NELL2: variants seen among roughly 807,000 people sequenced by gnomAD.
NELL2 encodes the protein neural EGFL like 2.
Under a neutral mutation model 109.6 loss-of-function variants are expected in NELL2, and 41 were observed. That is an observed-to-expected ratio of 0.37 (90% CI 0.29 to 0.49). NELL2 has a LOEUF of 0.49. Ranked by LOEUF, NELL2 falls within the 20% of genes least tolerant of loss-of-function variation. NELL2 has a pLI of 0.98. For synonymous variants in NELL2, 355 were observed against 344.7 expected (o/e 1.03, Z -0.33); for missense variants, 900 against 1,008.3 (o/e 0.89, Z 1.45).
At chr12:44,656,265 C>T (rs183021766) in intron 13 of NELL2, among the ~76,000 whole-genome samples, 163 of 152,228 alleles carry the variant, frequency 1.1e-3, no homozygotes, top group African/African-American at 3.9e-3. Flanking sequence ...CTAGGAAGTA[C>T]AACAAATCCT....
At chr12:44,513,226 C>T (rs1353397775) in intron 19 of NELL2, among the ~76,000 whole-genome samples, 1 of 151,794 alleles carries the variant, frequency 6.6e-6, no homozygotes, top group Non-Finnish European at 1.5e-5. Context: ...TTGAAACAGA[C>T]CCCCCCTAAC....
intron 9 of NELL2, among the ~76,000 whole-genome samples, chr12:44,723,609 C>T (rs1038457244): frequency 1.3e-5 from 2 of 151,584 alleles, no homozygotes; most frequent in African/African-American, 4.9e-5. Context: ...CAATGTGTTA[C>T]CTAGAATTTC....
intron 15 of NELL2, among the ~76,000 whole-genome samples, chr12:44,547,407 T>C (rs2136159125): frequency 6.6e-6 from 1 of 152,282 alleles, no homozygotes; most frequent in East Asian, 1.9e-4. Flanking sequence ...CATGGAAAAA[T>C]GCTTGCGATA....
chr12:44,510,943 G>A (rs1940974014), intron 19 of NELL2, among the ~76,000 whole-genome samples: 1 of 152,170 alleles, frequency 6.6e-6, no homozygotes, highest in South Asian at 2.1e-4. Flanking sequence ...CAAAGTGATG[G>A]GTGTACCAGT....
chr12:44,914,493 C>T (rs1303087792), upstream of NELL2, among the ~76,000 whole-genome samples: 1 of 152,192 alleles, frequency 6.6e-6, no homozygotes, highest in East Asian at 1.9e-4. Flanking sequence ...TTGCAAACCA[C>T]CCCACTCACA....
intron 13 of NELL2, among the ~76,000 whole-genome samples, chr12:44,653,719 T>C (rs932915651): frequency 2.0e-5 from 3 of 152,272 alleles, no homozygotes; most frequent in South Asian, 2.1e-4. Flanking sequence ...TAGGCCTGCA[T>C]TGATTATTGG....
intron 13 of NELL2, among the ~76,000 whole-genome samples, chr12:44,623,936 T>C (rs1946146197): frequency 6.6e-6 from 1 of 151,378 alleles, no homozygotes; most frequent in African/African-American, 2.4e-5. Flanking sequence ...AGTTGAACAA[T>C]GAGAACACAT....
intron 1 of NELL2, among the ~76,000 whole-genome samples, chr12:44,903,337 A>G (rs1427638856): frequency 6.6e-6 from 1 of 152,222 alleles, no homozygotes; most frequent in Non-Finnish European, 1.5e-5. Flanking sequence ...AATCACAATG[A>G]GATACCATCT....
chr12:44,652,166 G>C (rs1947322293), intron 13 of NELL2, among the ~76,000 whole-genome samples: 1 of 152,094 alleles, frequency 6.6e-6, no homozygotes, highest in Non-Finnish European at 1.5e-5. Flanking sequence ...CAACAATCCT[G>C]CATTCTGGAG....
At chr12:44,688,381 G>C (rs1948793771) in intron 12 of NELL2, among the ~76,000 whole-genome samples, 1 of 152,168 alleles carries the variant, frequency 6.6e-6, no homozygotes, top group Non-Finnish European at 1.5e-5. Context: ...TGAATTAACT[G>C]ATACACTGAC....
At chr12:44,731,431 T>C (rs1939364705) in intron 9 of NELL2, among the ~76,000 whole-genome samples, 1 of 152,062 alleles carries the variant, frequency 6.6e-6, no homozygotes, top group Non-Finnish European at 1.5e-5. Flanking sequence ...GGTGTGAGGA[T>C]AGCTCAGCAT....
Position 44,913,799 on chromosome 12 carries a change from AT to A in NELL2, c.37del (p.Ile13Ter). 1.2e-6 allele frequency: 1 copy of A among 827,402 alleles called. No individual in the cohort carries two copies. The highest frequency in any genetic ancestry group is 1.8e-6 in the Non-Finnish European group (1 of 543,132). The allele number at this position is 827,402 out of a possible 1,614,324, so 51.3% of individuals were successfully genotyped here. A position where few individuals can be genotyped will look rare whatever the true frequency, so the allele number is the denominator to read the frequency against. On this transcript the variant is annotated frameshift_variant and splice_region_variant, in exon 1 of 21. Coordinates refer to the NELL2 transcript ENST00000333837. LOFTEE classifies it high-confidence loss of function. Reference sequence around the variant, plus strand: ...ATTAAAATGATAAGAAAGAACTCACATTTTGAGGATTAAAATGAGAAGTCTT... The same window carrying A: ...ATTAAAATGATAAGAAAGAACTCACATTTGAGGATTAAAATGAGAAGTCTT...
intron 13 of NELL2, among the ~76,000 whole-genome samples, chr12:44,659,848 T>C (rs1388816330): frequency 6.6e-6 from 1 of 151,940 alleles, no homozygotes; most frequent in Non-Finnish European, 1.5e-5. Context: ...AAACCTCCTA[T>C]GATATGTGAC....
At chr12:44,728,223 T>C (rs748654640) in intron 9 of NELL2, among the ~76,000 whole-genome samples, 4 of 152,020 alleles carry the variant, frequency 2.6e-5, no homozygotes, top group Non-Finnish European at 5.9e-5. Flanking sequence ...ATGAACAAAG[T>C]TGGAATATCA....
At chr12:44,774,512 C>G (rs990435293) in intron 9 of NELL2, 1 of 441,198 alleles carries the variant, frequency 2.3e-6, no homozygotes, top group Non-Finnish European at 4.1e-6. Context: ...TTTCCTACTA[C>G]TATCACTATA....
chr12:44,595,593 A>ATTTTTT (rs57566164), intron 15 of NELL2, among the ~76,000 whole-genome samples: 2 of 121,326 alleles, frequency 1.6e-5, no homozygotes, highest in Non-Finnish European at 3.4e-5. Context: ...CACCCAGCTA[A>ATTTTTT]TTTTTTTTTT....
At chr12:44,600,518 T>C (rs1945180126) in intron 15 of NELL2, among the ~76,000 whole-genome samples, 1 of 152,234 alleles carries the variant, frequency 6.6e-6, no homozygotes, top group Non-Finnish European at 1.5e-5. Context: ...ATTATACTTC[T>C]GATCAATAGA....
intron 1 of NELL2, among the ~76,000 whole-genome samples, chr12:44,891,027 G>C (rs1201978777): frequency 6.6e-6 from 1 of 152,196 alleles, no homozygotes; most frequent in Non-Finnish European, 1.5e-5. Flanking sequence ...ACCGCACCCA[G>C]CAGGGTTCAT....
chr12:44,577,010 G>A (rs2136203988), intron 15 of NELL2, among the ~76,000 whole-genome samples: 1 of 139,018 alleles, frequency 7.2e-6, no homozygotes, highest in South Asian at 2.5e-4. Flanking sequence ...AAACATACGT[G>A]TGCATGTGTC....
Sources: allele counts gnomAD v4.1 joint callset (sites outside exome capture counted in the v4.1 genomes callset), GRCh38; gene constraint gnomAD v4.1.1; transcripts MANE v1.5; gene names NCBI Gene and HGNC (gene_info 2026-07-23, HGNC 2026-07-21).